The following ARFGEF1 variants were observed in gnomAD, a reference collection of about 807,000 sequenced individuals.
The protein encoded by ARFGEF1 is brefeldin A-inhibited guanine nucleotide-exchange protein 1.
In ARFGEF1, 42 loss-of-function variants were observed where a neutral mutation model predicts 231.0. The observed-to-expected ratio is 0.18, with a 90% confidence interval of 0.14 to 0.24. ARFGEF1 has a LOEUF of 0.24. Ranked by LOEUF, ARFGEF1 falls within the 10% of genes least tolerant of loss-of-function variation. The probability of loss-of-function intolerance (pLI) is 1.00; values close to 1 mark genes in which losing one functional copy is unlikely to be tolerated. For missense variants in ARFGEF1, 1,345 were observed against 2,192.0 expected, an observed-to-expected ratio of 0.61 and a Z score of 7.72; for synonymous variants, 710 against 732.3, an observed-to-expected ratio of 0.97 and a Z score of 0.49.
intron 10 of ARFGEF1, among the ~76,000 whole-genome samples, chr8:67,267,754 TA>T (rs1436860660): frequency 6.6e-6 from 1 of 152,216 alleles, no homozygotes. Flanking sequence ...TTACAGAATA[TA>T]ACTTACGCTT....
chr8:67,258,243 T>C lies in ARFGEF1; in HGVS notation c.2283A>G (p.Glu761=). Residue 761 remains glutamate, a synonymous_variant, in exon 16 of 39, where the codon GAA becomes GAG. Transcript: ENST00000262215. ...FLGDNDKFNK[E]VMYAYVDQHD... is the part of the protein sequence containing the mutation. The stretch of plus-strand genomic sequence containing the variant: ...GTTGGTCCACATATGCATACATGAC[T>C]TCTTTGTTAAATTTATCATTATCTC... 2 of 1,610,458 alleles carry C rather than the reference T, an allele frequency of 1.2e-6. No individual in the cohort carries two copies. The highest frequency in any genetic ancestry group is 2.2e-5 in the East Asian group (1 of 44,856).
At chr8:67,253,317 C>T (rs1052064894) in intron 18 of ARFGEF1, 134 bp downstream of exon 18, 2 of 523,342 alleles carry the variant, frequency 3.8e-6, no homozygotes, top group Admixed American at 4.1e-5. Flanking sequence ...TTCAAGTGAT[C>T]CTTCTGCTTC....
intron 1 of ARFGEF1, among the ~76,000 whole-genome samples, chr8:67,310,949 C>G (rs1806990450): frequency 1.2e-5 from 1 of 82,140 alleles, no homozygotes; most frequent in Non-Finnish European, 2.4e-5. Context: ...GGCAGCCACC[C>G]CGTCCAGGAG....
Position 67,225,509 on chromosome 8 carries a change from T to C in ARFGEF1, c.4078-476A>G, listed in dbSNP as rs145569837. Reference sequence around the variant, plus strand: ...CTTTCTCTTATGACAGTTACAAAGATAGATTCAAATATACAAGTTAAATAT... The same window carrying C: ...CTTTCTCTTATGACAGTTACAAAGACAGATTCAAATATACAAGTTAAATAT... On this transcript the variant is annotated intron_variant, in intron 28 of 38. Coordinates refer to ENST00000262215, the MANE Select transcript of ARFGEF1 (RefSeq NM_006421.5). Among the ~76,000 whole-genome samples, 31 of 152,306 alleles carry C rather than the reference T, an allele frequency of 2.0e-4. No individual in the cohort carries two copies. In the East Asian group the frequency reaches 3.9e-3, roughly 19 times the overall value.
chr8:67,235,036 A>G (rs1054133241), intron 22 of ARFGEF1, among the ~76,000 whole-genome samples: 2 of 151,342 alleles, frequency 1.3e-5, no homozygotes, highest in Non-Finnish European at 2.9e-5. Context: ...GGAAATATAT[A>G]TATGTTCTGT....
chr8:67,331,271 ATGTT>A (rs1262208267), intron 1 of ARFGEF1, among the ~76,000 whole-genome samples: 1 of 152,184 alleles, frequency 6.6e-6, no homozygotes. Flanking sequence ...TATGGTCTGT[ATGTT>A]TGTGTCCTCC....
At chr8:67,226,246 A>G in intron 27 of ARFGEF1, 63 bp from the exon 28 acceptor site, 1 of 1,325,040 alleles carries the variant, frequency 7.5e-7, no homozygotes, top group East Asian at 2.6e-5. Context: ...TACCAAAAAT[A>G]CACCAACATC....
intron 6 of ARFGEF1, among the ~76,000 whole-genome samples, chr8:67,289,138 T>C (rs909061116): frequency 3.9e-5 from 6 of 152,254 alleles, no homozygotes; most frequent in African/African-American, 1.4e-4. Flanking sequence ...CAACTATCAC[T>C]TTAGAATGCC....
At chr8:67,343,093 A>AGGGGCCCCCCCCCCCC in intron 1 of ARFGEF1, 71 bp downstream of exon 1, 1 of 184,674 alleles carries the variant, frequency 5.4e-6, no homozygotes, top group South Asian at 7.6e-5. Flanking sequence ...GGGCGACCCC[A>AGGGGCCCCCCCCCCCC]CCCCCCCACA....
At chr8:67,238,934 G>A (rs1294644383) in intron 20 of ARFGEF1, 41 bp from the exon 21 acceptor site, 1 of 1,477,988 alleles carries the variant, frequency 6.8e-7, no homozygotes, top group Non-Finnish European at 9.2e-7. Context: ...GTTCTAAATA[G>A]AGCAGACTGA....
chr8:67,299,169 A>G, intron 4 of ARFGEF1, 40 bp downstream of exon 4: 3 of 1,461,888 alleles, frequency 2.1e-6, no homozygotes, highest in Non-Finnish European at 2.7e-6. Context: ...TTTTGAAGAT[A>G]CAGATTATTA....
intron 1 of ARFGEF1, among the ~76,000 whole-genome samples, chr8:67,323,391 TA>T (rs1277974778): frequency 6.6e-6 from 1 of 152,162 alleles, no homozygotes; most frequent in Non-Finnish European, 1.5e-5. Context: ...CCTGATAACT[TA>T]AAAGTTGATC....
chr8:67,219,557 AC>A lies in ARFGEF1; in HGVS notation c.4211del (p.Gly1404ValfsTer2). 1 of 1,592,428 alleles carries A rather than the reference AC, an allele frequency of 6.3e-7. No homozygotes were observed. The highest frequency in any genetic ancestry group is 8.5e-7 in the Non-Finnish European group (1 of 1,169,892). On this transcript the variant is annotated frameshift_variant and splice_region_variant, in exon 30 of 39. Coordinates refer to ENST00000262215, the MANE Select transcript of ARFGEF1 (RefSeq NM_006421.5). LOFTEE classifies it high-confidence loss of function. Reference sequence around the variant, plus strand: ...TCATTATTTCAAACATTACTGTTAAACCCCTAAAATGACAAAACACAATTAG... The same window carrying A: ...TCATTATTTCAAACATTACTGTTAAACCCTAAAATGACAAAACACAATTAG... ...NRCKLDVRTR[G>X]LTVMFEIMKT...
rs1002501145 is a variant in ARFGEF1, at chr8:67,219,045, CA to C, written c.4338+385del. 4.0e-4 allele frequency among the ~76,000 whole-genome samples: 61 copies of C among 152,160 alleles called. 1 individual carries two copies. Among genetic ancestry groups the C allele is most frequent in the South Asian group, 2.1e-4 (1 of 4,828 alleles). On this transcript the variant is annotated intron_variant, in intron 30 of 38. Coordinates refer to ENST00000262215, the MANE Select transcript of ARFGEF1 (RefSeq NM_006421.5). ...GCAGTGGCGCGATCTCAGCTCACAGCAACCTCCACCTCCCGGGTTCAAACAA... is the reference window on the plus strand; with the variant it reads ...GCAGTGGCGCGATCTCAGCTCACAGCACCTCCACCTCCCGGGTTCAAACAA...
chr8:67,227,653 C>T (rs985271372), intron 25 of ARFGEF1, 55 bp from the exon 26 acceptor site: 73 of 1,557,600 alleles, frequency 4.7e-5, no homozygotes, highest in Middle Eastern at 3.4e-4. Context: ...TAAAAATCTA[C>T]AATTCTTTAT....
At chr8:67,281,167 T>G (rs926514136) in intron 7 of ARFGEF1, among the ~76,000 whole-genome samples, 26 of 152,066 alleles carry the variant, frequency 1.7e-4, no homozygotes, top group African/African-American at 6.0e-4. Flanking sequence ...TCTCGTTGAA[T>G]GTAAAACCCT....
chr8:67,218,201 AAAAAAAATAT>A (rs1256610265), intron 30 of ARFGEF1, 63 bp from the exon 31 acceptor site: 59 of 180,596 alleles, frequency 3.3e-4, no homozygotes, highest in East Asian at 4.5e-4. Context: ...TAAAAAAAAA[AAAAAAAATAT>A]ATATATATAT....
chr8:67,290,093 A>G (rs974074262), intron 6 of ARFGEF1, among the ~76,000 whole-genome samples: 4 of 152,182 alleles, frequency 2.6e-5, no homozygotes, highest in Non-Finnish European at 5.9e-5. Flanking sequence ...CCAAAAATGC[A>G]CTCTGAACCA....
intron 1 of ARFGEF1, among the ~76,000 whole-genome samples, chr8:67,320,623 G>T (rs1287949493): frequency 1.3e-5 from 2 of 152,186 alleles, no homozygotes; most frequent in African/African-American, 4.8e-5. Context: ...TTCAATGAGT[G>T]TTAAACAAAC....
Sources: allele counts gnomAD v4.1 joint callset (sites outside exome capture counted in the v4.1 genomes callset), GRCh38; gene constraint gnomAD v4.1.1; transcripts MANE v1.5; gene names NCBI Gene and HGNC (gene_info 2026-07-23, HGNC 2026-07-21).